The following ACTA2 variants were observed in gnomAD, a reference collection of about 807,000 sequenced individuals.
ACTA2 encodes the protein actin alpha 2, smooth muscle, also known as actin, aortic smooth muscle.
A neutral mutation model predicts 39.5 loss-of-function variants in ACTA2; 12 were observed. The ratio of observed to expected loss-of-function variants is 0.30; its 90% CI spans 0.19 to 0.49. The LOEUF (loss-of-function observed/expected upper bound fraction) is 0.49. Ranked by LOEUF, ACTA2 falls within the 20% of genes least tolerant of loss-of-function variation. The pLI, the probability that ACTA2 is intolerant of heterozygous loss-of-function variation, is 0.99. For missense variants in ACTA2, 236 were observed against 498.8 expected (o/e 0.47, Z 5.02); for synonymous variants, 158 against 180.6 (o/e 0.88, Z 1.00).
At chr10:88,952,939 T>G (rs193252439), upstream of ACTA2, among the ~76,000 whole-genome samples, 3 of 152,352 alleles carry the variant, frequency 2.0e-5, no homozygotes. Context: ...GAGGCCTGGG[T>G]CTCTTCCACT....
chr10:88,985,450 A>G (rs1353374689), intron 1 of ACTA2, among the ~76,000 whole-genome samples: 1 of 152,228 alleles, frequency 6.6e-6, no homozygotes, highest in Non-Finnish European at 1.5e-5. Context: ...CCTTCTGCAG[A>G]AAACCACCTA....
At chr10:88,938,727 A>G (rs1186823815) in intron 7 of ACTA2, among the ~76,000 whole-genome samples, 2 of 89,970 alleles carry the variant, frequency 2.2e-5, no homozygotes, top group Non-Finnish European at 4.1e-5. Flanking sequence ...AATCTTGCTA[A>G]CATTTTTTTT....
At chr10:88,941,150 C>T (rs1845839998) in intron 6 of ACTA2, 79 bp downstream of exon 6, 2 of 1,576,562 alleles carry the variant, frequency 1.3e-6, no homozygotes, top group Non-Finnish European at 1.7e-6. Context: ...CCATCATCTC[C>T]TTGGATAGTG....
intron 1 of ACTA2, among the ~76,000 whole-genome samples, chr10:88,979,392 C>T (rs904005199): frequency 5.9e-5 from 9 of 152,106 alleles, no homozygotes; most frequent in African/African-American, 1.2e-4. Context: ...CAAAGAGAGA[C>T]GTTCACAAGG....
chr10:88,956,871 G>A (rs558576940), upstream of ACTA2, among the ~76,000 whole-genome samples: 1 of 152,342 alleles, frequency 6.6e-6, no homozygotes, highest in Admixed American at 6.5e-5. Flanking sequence ...CAAGGTGCCA[G>A]CATCTGGTGA....
intron 1 of ACTA2, among the ~76,000 whole-genome samples, chr10:88,986,295 T>C (rs1011127902): frequency 6.6e-6 from 1 of 152,162 alleles, no homozygotes; most frequent in South Asian, 2.1e-4. Context: ...TTTGTTTTCA[T>C]AGAATATCTG....
At chr10:88,957,456 GA>G (rs946382327), upstream of ACTA2, among the ~76,000 whole-genome samples, 1 of 152,146 alleles carries the variant, frequency 6.6e-6, no homozygotes, top group Non-Finnish European at 1.5e-5. Context: ...TCCTGGAAAA[GA>G]AGGAAAATAC....
intron 4 of ACTA2, 193 bp downstream of exon 4, chr10:88,943,604 G>T (rs1845894325): frequency 3.0e-6 from 2 of 672,942 alleles, no homozygotes; most frequent in South Asian, 1.5e-5. Context: ...GGAGGCAAAG[G>T]GCTGGTCCCT....
chr10:88,973,255 C>A (rs529808952), intron 1 of ACTA2: 10 of 1,612,300 alleles, frequency 6.2e-6, no homozygotes, highest in East Asian at 2.2e-5. Context: ...GGCTATGGAC[C>A]AAATGGATTC....
intron 3 of ACTA2, 80 bp from the exon 4 acceptor site, chr10:88,943,987 C>A: frequency 7.9e-7 from 1 of 1,269,088 alleles, no homozygotes; most frequent in Non-Finnish European, 1.1e-6. Context: ...GGACCAGAAG[C>A]TACTTGAAAC....
chr10:88,979,879 C>G (rs1283227763), intron 1 of ACTA2, among the ~76,000 whole-genome samples: 2 of 151,360 alleles, frequency 1.3e-5, no homozygotes, highest in Admixed American at 1.3e-4. Context: ...ATGTGTAAAG[C>G]ACCTACAAAG....
rs372049231 is a variant in ACTA2, at chr10:88,938,910, G to T, written c.808+597C>A. ...TGATAATTATTGAATGCTTGCTTTT[G>T]CCAGGCAGTGGGCTAAGTGCTCTTT... is the stretch of plus-strand genomic sequence containing the variant. On this transcript the variant is annotated intron_variant, in intron 7 of 8. Coordinates refer to ENST00000224784, the MANE Select transcript of ACTA2 (RefSeq NM_001613.4). Among the ~76,000 whole-genome samples the T allele has an allele frequency of 3.9e-5, 6 of 152,196 alleles. No homozygotes were observed. The East Asian group carries it at 9.7e-4, about 25-fold the overall frequency.
At chr10:88,950,348 A>G (rs1846027192) in intron 1 of ACTA2, among the ~76,000 whole-genome samples, 1 of 152,210 alleles carries the variant, frequency 6.6e-6, no homozygotes, top group Non-Finnish European at 1.5e-5. Context: ...CTCCAAATCC[A>G]TATAAAAAAG....
intron 6 of ACTA2, 28 bp from the exon 7 acceptor site, chr10:88,939,726 A>G (rs934332475): frequency 6.2e-7 from 1 of 1,613,228 alleles, no homozygotes; most frequent in Non-Finnish European, 8.5e-7. Flanking sequence ...ACATTGTGGC[A>G]AACATTAGGG....
chr10:88,955,098 T>A (rs534139396), upstream of ACTA2, among the ~76,000 whole-genome samples: 1 of 149,226 alleles, frequency 6.7e-6, no homozygotes, highest in Non-Finnish European at 1.5e-5. Context: ...AGGGACACTA[T>A]AAAATAAATT....
intron 1 of ACTA2, among the ~76,000 whole-genome samples, chr10:88,977,207 C>T (rs569291874): frequency 2.0e-3 from 296 of 151,738 alleles, no homozygotes; most frequent in African/African-American, 6.7e-3. Flanking sequence ...GTTGCCATTG[C>T]TTTTGGTGTT....
intron 1 of ACTA2, among the ~76,000 whole-genome samples, chr10:88,979,211 A>G (rs1026100930): frequency 3.9e-5 from 6 of 152,002 alleles, no homozygotes; most frequent in Non-Finnish European, 8.8e-5. Context: ...GAGCGTAGGG[A>G]TCTGGGGAGG....
At chr10:88,953,846 C>T (rs148479215), upstream of ACTA2, among the ~76,000 whole-genome samples, 398 of 152,274 alleles carry the variant, frequency 2.6e-3, 4 homozygotes, top group East Asian at 0.024. Context: ...ATGTAAGACA[C>T]GCCTCTTCCC....
At chr10:88,958,549 T>C (rs1476414758) in intron 1 of ACTA2, among the ~76,000 whole-genome samples, 1 of 152,054 alleles carries the variant, frequency 6.6e-6, no homozygotes, top group African/African-American at 2.4e-5. Context: ...TTCAAGCACA[T>C]GCACAGAGGT....
Sources: gnomAD v4.1 joint callset for allele counts (sites outside exome capture counted in the v4.1 genomes callset) on GRCh38, gnomAD v4.1.1 for gene constraint, MANE v1.5 for transcripts, NCBI Gene and HGNC (gene_info 2026-07-23, HGNC 2026-07-21) for gene names.